The following NFIB variants were observed in gnomAD, a reference collection of about 807,000 sequenced individuals.
NFIB encodes nuclear factor I B.
NFIB carries 11 observed loss-of-function variants against 61.5 expected under a neutral mutation model. The observed-to-expected ratio is 0.18, with a 90% CI of 0.11 to 0.30. The LOEUF (loss-of-function observed/expected upper bound fraction) is 0.30. NFIB is among the 10% of genes least tolerant of loss of function. The pLI is 1.00. For missense variants in NFIB, 471 were observed against 608.9 expected (o/e 0.77, Z 2.38); for synonymous variants, 260 against 216.5 (o/e 1.20, Z -1.76).
intron 2 of NFIB, among the ~76,000 whole-genome samples, chr9:14,253,557 C>T (rs1289946078): frequency 2.0e-5 from 3 of 152,140 alleles, no homozygotes; most frequent in Admixed American, 1.3e-4. Flanking sequence ...TAGCCTAGCA[C>T]AGGGGCTCAC....
chr9:14,130,073 T>G (rs1212107464), intron 6 of NFIB, among the ~76,000 whole-genome samples: 1 of 152,028 alleles, frequency 6.6e-6, no homozygotes, highest in Non-Finnish European at 1.5e-5. Flanking sequence ...AAATTTGACT[T>G]TTTTTTTCTG....
At chr9:14,362,770 C>G (rs895042691) in intron 1 of NFIB, 1 of 152,208 alleles carries the variant, frequency 6.6e-6, no homozygotes, top group Admixed American at 6.5e-5. Context: ...TTCTGTGCAC[C>G]TGCAGTCCCC....
intron 1 of NFIB, among the ~76,000 whole-genome samples, chr9:14,388,407 G>A (rs10961497): frequency 9.5e-5 from 1 of 10,568 alleles, no homozygotes; most frequent in African/African-American, 2.7e-4. Flanking sequence ...AAGGAAGGAA[G>A]GAAGGAAGGA....
chr9:14,308,314 C>T (rs1454851776), intron 1 of NFIB, among the ~76,000 whole-genome samples: 9 of 144,182 alleles, frequency 6.2e-5, no homozygotes, highest in South Asian at 4.3e-4. Context: ...ACACTACCAA[C>T]GCCAGCTCCC....
At chr9:14,259,921 G>A (rs765884402) in intron 2 of NFIB, among the ~76,000 whole-genome samples, 21 of 152,076 alleles carry the variant, frequency 1.4e-4, no homozygotes, top group South Asian at 8.3e-4. Flanking sequence ...AAAACGAAAC[G>A]AAACAAAACA....
chr9:14,463,561 T>A, the NFIB span, among the ~76,000 whole-genome samples: 6 of 152,078 alleles, frequency 3.9e-5, no homozygotes, highest in African/African-American at 1.4e-4. Flanking sequence ...CAGAGTGGCA[T>A]CGTTAAGTGA....
At chr9:14,379,252 C>T (rs561740823) in intron 1 of NFIB, among the ~76,000 whole-genome samples, 2 of 152,210 alleles carry the variant, frequency 1.3e-5, no homozygotes, top group South Asian at 2.1e-4. Flanking sequence ...ACTCCTGAGG[C>T]CTTTTAGGGA....
chr9:14,277,352 C>CAG (rs2058071259), intron 2 of NFIB, among the ~76,000 whole-genome samples: 1 of 151,964 alleles, frequency 6.6e-6, no homozygotes, highest in Middle Eastern at 3.4e-3. Context: ...CAGACACACA[C>CAG]ACACACACAC....
intron 2 of NFIB, among the ~76,000 whole-genome samples, chr9:14,180,096 C>A (rs900088510): frequency 6.6e-6 from 1 of 152,118 alleles, no homozygotes; most frequent in African/African-American, 2.4e-5. Flanking sequence ...AATATTGAGG[C>A]CTGTCAGTAG....
At chr9:14,239,203 C>T (rs980293105) in intron 2 of NFIB, among the ~76,000 whole-genome samples, 24 of 152,152 alleles carry the variant, frequency 1.6e-4, no homozygotes, top group Admixed American at 1.6e-3. Context: ...CACAATGTTA[C>T]ACAGGAGAAC....
chr9:14,109,325 C>T lies in NFIB; in HGVS notation c.1467+3674G>A, dbSNP rs149188032. 2.1e-3 allele frequency among the ~76,000 whole-genome samples: 326 copies of T among 151,990 alleles called. 3 individuals are homozygous for T. Among genetic ancestry groups the T allele is most frequent in the African/African-American group, 7.4e-3 (309 of 41,486 alleles). ...TTCATTGCCTATCATAACGAATTTG[C>T]ACAATGTGTTCGTGAATTATAAAGT... On this transcript the variant is annotated intron_variant, in intron 10 of 10. Coordinates refer to ENST00000380953, the MANE Select transcript of NFIB (RefSeq NM_001190737.2).
chr9:14,159,093 T>C (rs1362075718), intron 3 of NFIB, among the ~76,000 whole-genome samples: 2 of 152,186 alleles, frequency 1.3e-5, no homozygotes, highest in African/African-American at 2.4e-5. Flanking sequence ...TGTGAGCCTG[T>C]TGGAAGCCAA....
the NFIB span, among the ~76,000 whole-genome samples, chr9:14,522,611 A>G: frequency 6.6e-6 from 1 of 152,176 alleles, no homozygotes; most frequent in African/African-American, 2.4e-5. Context: ...GACTATCGAT[A>G]ATAGCAAACT....
At chr9:14,427,337 T>C in the NFIB span, among the ~76,000 whole-genome samples, 1 of 152,240 alleles carries the variant, frequency 6.6e-6, no homozygotes, top group Non-Finnish European at 1.5e-5. Context: ...GATACTCTTC[T>C]AAGTGCTTTG....
intron 2 of NFIB, among the ~76,000 whole-genome samples, chr9:14,195,896 T>C (rs1382257045): frequency 7.0e-6 from 1 of 141,878 alleles, no homozygotes; most frequent in Admixed American, 7.5e-5. Flanking sequence ...TTTTTTAAAC[T>C]TTTTTTTTTG....
In NFIB at chr9:14,086,831, T is replaced by C. The variant is rs1168321719; in HGVS notation, c.*1478A>G. On this transcript the variant is annotated 3_prime_UTR_variant, in exon 11 of 11. Coordinates refer to ENST00000380953, the MANE Select transcript of NFIB (RefSeq NM_001190737.2). ...TTAGATTTCAAGGCAAGGCACGTAA[T>C]GTGGACATTATATCTTCGTGCAAAT... is the stretch of plus-strand genomic sequence containing the variant. 4.9e-6 allele frequency: 1 copy of C among 203,602 alleles called. No homozygotes were observed. The highest frequency in any genetic ancestry group is 1.0e-5 in the Non-Finnish European group (1 of 99,272). The allele number at this position is 203,602 out of a possible 1,614,324, so 12.6% of individuals were successfully genotyped here. A position where few individuals can be genotyped will look rare whatever the true frequency, so the allele number is the denominator to read the frequency against.
chr9:14,107,690 C>A (rs2036774448), intron 10 of NFIB, among the ~76,000 whole-genome samples: 1 of 152,076 alleles, frequency 6.6e-6, no homozygotes, highest in South Asian at 2.1e-4. Flanking sequence ...CCTTCTGACT[C>A]CTAATCCCTG....
At chr9:14,400,874 G>A (rs1232406104), upstream of NFIB, among the ~76,000 whole-genome samples, 1 of 152,222 alleles carries the variant, frequency 6.6e-6, no homozygotes, top group African/African-American at 2.4e-5. Context: ...CACTGGCGTA[G>A]GGAGGAGGCA....
Position 14,086,496 on chromosome 9 carries a change from C to T in NFIB, c.*1813G>A, listed in dbSNP as rs866951242. 9 of 216,310 alleles carry T rather than the reference C, an allele frequency of 4.2e-5. No individual in the cohort carries two copies. Among genetic ancestry groups the T allele is most frequent in the Non-Finnish European group, 8.4e-5 (9 of 107,338 alleles). 13.4% of individuals were successfully genotyped at this position (216,310 alleles called of 1,614,324 possible). ...CGTATAAATTTGAAACCCCTCCCCC[C>T]CAAATATTAATTGGAAGATGAAAAA... On this transcript the variant is annotated 3_prime_UTR_variant, in exon 11 of 11. Transcript: ENST00000380953.
Sources: allele counts gnomAD v4.1 joint callset (sites outside exome capture counted in the v4.1 genomes callset), GRCh38; gene constraint gnomAD v4.1.1; transcripts MANE v1.5; gene names NCBI Gene and HGNC (gene_info 2026-07-23, HGNC 2026-07-21).